NRG3: variants seen among roughly 807,000 people sequenced by gnomAD.
NRG3 encodes neuregulin 3, also known as pro-neuregulin-3, membrane-bound isoform.
In NRG3, 31 loss-of-function variants were observed where a neutral mutation model predicts 66.9. That is an observed-to-expected ratio of 0.46 (90% CI 0.35 to 0.63). The LOEUF (loss-of-function observed/expected upper bound fraction) is 0.63. Ranked by LOEUF, NRG3 falls within the 20% of genes least tolerant of loss-of-function variation. NRG3 has a pLI of 0.00. For synonymous variants in NRG3, 393 were observed against 359.4 expected (o/e 1.09, Z -1.06); for missense variants, 910 against 878.9 (o/e 1.04, Z -0.45).
intron 5 of NRG3, among the ~76,000 whole-genome samples, chr10:82,953,529 G>A (rs1449801383): frequency 1.3e-5 from 2 of 151,926 alleles, no homozygotes; most frequent in Non-Finnish European, 2.9e-5. Flanking sequence ...TTGTACACTA[G>A]TGAGTCATAC....
intron 1 of NRG3, among the ~76,000 whole-genome samples, chr10:82,275,854 G>C (rs906619880): frequency 1.3e-5 from 2 of 151,912 alleles, no homozygotes; most frequent in African/African-American, 4.8e-5. Flanking sequence ...AAGTTTAGGA[G>C]GAAAACCTAA....
At chr10:82,155,271 A>G (rs1048201581) in intron 1 of NRG3, among the ~76,000 whole-genome samples, 2 of 151,838 alleles carry the variant, frequency 1.3e-5, no homozygotes, top group African/African-American at 4.8e-5. Context: ...AAGGGTCAGA[A>G]AAGGTCAAAT....
intron 6 of NRG3, among the ~76,000 whole-genome samples, chr10:82,968,825 G>A (rs1045072393): frequency 1.3e-5 from 2 of 152,134 alleles, no homozygotes; most frequent in Admixed American, 1.3e-4. Context: ...ACCCAAGACT[G>A]GATGATTTAT....
chr10:82,138,917 ACC>A (rs2069566567), intron 1 of NRG3, among the ~76,000 whole-genome samples: 2 of 151,996 alleles, frequency 1.3e-5, no homozygotes, highest in African/African-American at 4.8e-5. Context: ...GATTGTGCTC[ACC>A]CAGCTTGAGG....
At position 81,875,380 on chromosome 10, in the gene NRG3, G is replaced by T; in HGVS notation, c.40G>T (p.Ala14Ser). 3.0e-6 allele frequency: 3 copies of T among 994,122 alleles called. No homozygotes were observed. The highest frequency in any genetic ancestry group is 3.6e-6 in the Non-Finnish European group (3 of 837,460). The allele number at this position is 994,122 out of a possible 1,614,324, so 61.6% of individuals were successfully genotyped here. A position where few individuals can be genotyped will look rare whatever the true frequency, so the allele number is the denominator to read the frequency against. ...GAAAASPPGA[A>S]SAAAASAEEG... ...GGCCGCTGCCTCGCCACCTGGTGCCGCTTCGGCAGCCGCCGCCTCGGCCGA... is the reference window on the plus strand; with the variant it reads ...GGCCGCTGCCTCGCCACCTGGTGCCTCTTCGGCAGCCGCCGCCTCGGCCGA... Residue 14 changes from alanine to serine, a missense_variant, in exon 1 of 9, where the codon GCT (alanine) becomes TCT (serine). Coordinates refer to ENST00000372141, the MANE Select transcript of NRG3 (RefSeq NM_001010848.4). This position sits in a 1 kb window ranked among gnomAD's most constrained non-coding sequence, Gnocchi z 5.3.
In NRG3 at chr10:82,235,051, C is replaced by T. The variant is rs201204100; in HGVS notation, c.824-123688C>T. 1.4e-4 allele frequency among the ~76,000 whole-genome samples: 21 copies of T among 152,324 alleles called. No individual in the cohort carries two copies. In the East Asian group the frequency reaches 3.9e-3, roughly 28 times the overall value. ...ATATCCTAATTAGGCTCAGTGTCTT[C>T]CTGCATTCCCAGCAACTTGAGTGAC... is the stretch of plus-strand genomic sequence containing the variant. On this transcript the variant is annotated intron_variant, in intron 1 of 8. Coordinates refer to ENST00000372141, the MANE Select transcript of NRG3 (RefSeq NM_001010848.4).
At chr10:82,908,069 T>C (rs1350002266) in intron 4 of NRG3, among the ~76,000 whole-genome samples, 1 of 152,200 alleles carries the variant, frequency 6.6e-6, no homozygotes, top group Non-Finnish European at 1.5e-5. Context: ...AGCTTCTCAA[T>C]AGCCATTACT....
chr10:82,296,887 A>G (rs943055109), intron 1 of NRG3, among the ~76,000 whole-genome samples: 2 of 152,050 alleles, frequency 1.3e-5, no homozygotes, highest in African/African-American at 4.8e-5. Flanking sequence ...CTAAACAGTG[A>G]ACGTAGTACC....
intron 2 of NRG3, among the ~76,000 whole-genome samples, chr10:82,471,132 G>A (rs1377447402): frequency 1.3e-5 from 2 of 152,128 alleles, no homozygotes; most frequent in African/African-American, 4.8e-5. Context: ...CAGACACTTC[G>A]AAGGGTGAGA....
At chr10:82,607,832 AT>A (rs541007916) in intron 2 of NRG3, among the ~76,000 whole-genome samples, 7 of 150,978 alleles carry the variant, frequency 4.6e-5, no homozygotes, top group Admixed American at 2.6e-4. Flanking sequence ...AAACAATAAT[AT>A]TTTTTTGTAT....
At chr10:82,954,974 C>T (rs552658565) in intron 5 of NRG3, among the ~76,000 whole-genome samples, 3 of 151,916 alleles carry the variant, frequency 2.0e-5, no homozygotes, top group South Asian at 4.2e-4. Context: ...CCAAGTCTTC[C>T]AGGATTCTAA....
chr10:82,519,586 C>A (rs1381712429), intron 2 of NRG3, among the ~76,000 whole-genome samples: 1 of 152,178 alleles, frequency 6.6e-6, no homozygotes, highest in Non-Finnish European at 1.5e-5. Flanking sequence ...CCTCAGTACC[C>A]AGCCTGGTCC....
intron 1 of NRG3, among the ~76,000 whole-genome samples, chr10:82,054,488 G>A (rs529600018): frequency 6.6e-6 from 1 of 152,256 alleles, no homozygotes; most frequent in South Asian, 2.1e-4. Context: ...TTCTCATTTA[G>A]ATGTGGGTGG....
At chr10:82,237,342 T>C (rs908554650) in intron 1 of NRG3, among the ~76,000 whole-genome samples, 1 of 152,236 alleles carries the variant, frequency 6.6e-6, no homozygotes. Flanking sequence ...GTTAAAATTA[T>C]ACTGTTGGAG....
intron 2 of NRG3, among the ~76,000 whole-genome samples, chr10:82,472,294 G>A (rs1292165681): frequency 1.3e-5 from 2 of 152,164 alleles, no homozygotes; most frequent in Non-Finnish European, 1.5e-5. Flanking sequence ...CAGACATAGC[G>A]AGATGGAGAT....
intron 1 of NRG3, among the ~76,000 whole-genome samples, chr10:82,036,901 G>A (rs1482195237): frequency 6.6e-6 from 1 of 152,072 alleles, no homozygotes. Context: ...ACAGGTCTTG[G>A]GGTAGCAATT....
intron 2 of NRG3, among the ~76,000 whole-genome samples, chr10:82,678,093 TG>T (rs2053847868): frequency 6.6e-6 from 1 of 152,200 alleles, no homozygotes; most frequent in Non-Finnish European, 1.5e-5. Flanking sequence ...TGCTCATGCT[TG>T]AGCCCACACA....
intron 1 of NRG3, among the ~76,000 whole-genome samples, chr10:81,960,970 A>T (rs1045181274): frequency 6.6e-6 from 1 of 152,064 alleles, no homozygotes; most frequent in Non-Finnish European, 1.5e-5. Context: ...TGGTATTCAA[A>T]ATTCAATCTT....
At chr10:82,953,994 C>A (rs1849785369) in intron 5 of NRG3, among the ~76,000 whole-genome samples, 1 of 150,690 alleles carries the variant, frequency 6.6e-6, no homozygotes, top group African/African-American at 2.5e-5. Flanking sequence ...GTGTAAAGGG[C>A]ATAGCAAAGT....
Sources: allele counts gnomAD v4.1 joint callset (sites outside exome capture counted in the v4.1 genomes callset), GRCh38; gene constraint gnomAD v4.1.1; non-coding constraint Gnocchi (gnomAD v3.1); transcripts MANE v1.5; gene names NCBI Gene and HGNC (gene_info 2026-07-23, HGNC 2026-07-21).